OCIAD1: variants seen among roughly 807,000 people sequenced by gnomAD.
OCIAD1 encodes OCIA domain containing 1.
In OCIAD1, 29 loss-of-function variants were observed where a neutral mutation model predicts 38.9. The observed-to-expected ratio is 0.74, with a 90% CI of 0.55 to 1.02. OCIAD1 has a LOEUF of 1.02. OCIAD1 is among the 50% of genes least tolerant of loss of function. The probability of loss-of-function intolerance (pLI) is 0.00; values close to 1 mark genes in which losing one functional copy is unlikely to be tolerated. For missense variants in OCIAD1, 288 were observed against 289.6 expected, an observed-to-expected ratio of 0.99 and a Z score of 0.04; for synonymous variants, 110 against 92.0, an observed-to-expected ratio of 1.20 and a Z score of -1.12.
chr4:48,836,498 A>G (rs1277619196), intron 3 of OCIAD1, among the ~76,000 whole-genome samples: 1 of 152,238 alleles, frequency 6.6e-6, no homozygotes, highest in Non-Finnish European at 1.5e-5. Flanking sequence ...GATAGAAACA[A>G]AAGCATACAT....
chr4:48,857,369 T>A lies in OCIAD1; in HGVS notation c.700+4T>A. 6.5e-7 allele frequency: 1 copy of A among 1,534,100 alleles called. No individual in the cohort carries two copies. Among genetic ancestry groups the A allele is most frequent in the Non-Finnish European group, 8.7e-7 (1 of 1,144,318 alleles). ...GAAAGAGTGCCAAAAAAAGAAGGTATGATAGTTTAGTCTGAATCACTTTAC... is the reference window on the plus strand; with the variant it reads ...GAAAGAGTGCCAAAAAAAGAAGGTAAGATAGTTTAGTCTGAATCACTTTAC... On this transcript the variant is annotated splice_donor_region_variant and intron_variant, in intron 8 of 8. Coordinates refer to ENST00000264312, the MANE Select transcript of OCIAD1 (RefSeq NM_017830.4).
chr4:48,852,875 G>GC lies in OCIAD1; in HGVS notation c.547+900_547+901insC, dbSNP rs1560438042. 4.8e-4 allele frequency among the ~76,000 whole-genome samples: 33 copies of GC among 69,140 alleles called. 1 individual carries two copies. The South Asian group carries it at 9.2e-3, about 19-fold the overall frequency. The allele number at this position is 69,140 out of a possible 152,430, so 45.4% of individuals were successfully genotyped here. A position where few individuals can be genotyped will look rare whatever the true frequency, so the allele number is the denominator to read the frequency against. ...AAAGGTTTAAGCCAAGTTTTTTTTT[G>GC]TTTTTTGTTTTTTTTTTTTTTTTTG... On this transcript the variant is annotated intron_variant, in intron 7 of 8. Coordinates refer to ENST00000264312, the MANE Select transcript of OCIAD1 (RefSeq NM_017830.4).
intron 4 of OCIAD1, among the ~76,000 whole-genome samples, chr4:48,845,580 C>T (rs1778909770): frequency 6.6e-6 from 1 of 152,146 alleles, no homozygotes; most frequent in Non-Finnish European, 1.5e-5. Flanking sequence ...TTGGTGCTTA[C>T]ATTCTTGTAT....
intron 7 of OCIAD1, among the ~76,000 whole-genome samples, chr4:48,855,315 G>A (rs1050457234): frequency 3.2e-4 from 48 of 152,106 alleles, no homozygotes; most frequent in Admixed American, 2.0e-4. Context: ...ATGGTGAAGG[G>A]AAATGAGTTC....
intron 3 of OCIAD1, among the ~76,000 whole-genome samples, chr4:48,839,967 C>CA (rs1778376388): frequency 6.6e-6 from 1 of 152,172 alleles, no homozygotes; most frequent in South Asian, 2.1e-4. Context: ...TTGCTTTGAG[C>CA]AAATGACTTG....
chr4:48,826,583 G>A (rs1777253596), upstream of OCIAD1, among the ~76,000 whole-genome samples: 1 of 151,754 alleles, frequency 6.6e-6, no homozygotes, highest in African/African-American at 2.4e-5. Flanking sequence ...AAAAGCCTAT[G>A]GAATTAAAAA....
At chr4:48,854,585 A>G (rs1198741605) in intron 7 of OCIAD1, among the ~76,000 whole-genome samples, 1 of 152,202 alleles carries the variant, frequency 6.6e-6, no homozygotes, top group African/African-American at 2.4e-5. Flanking sequence ...ACAAAAGCCA[A>G]CAAACAAAAA....
chr4:48,842,728 T>C, intron 4 of OCIAD1, 39 bp downstream of exon 4: 1 of 1,126,048 alleles, frequency 8.9e-7, no homozygotes, highest in Non-Finnish European at 1.3e-6. Context: ...GCATTTTGGA[T>C]ACCATGTTTG....
At chr4:48,831,542 G>A in intron 1 of OCIAD1, 1 of 1,290,802 alleles carries the variant, frequency 7.7e-7, no homozygotes, top group Non-Finnish European at 1.0e-6. Flanking sequence ...GTAATCAGCG[G>A]TTGTAGGCCG....
At position 48,832,688 on chromosome 4, in the gene OCIAD1, T is replaced by G; in HGVS notation, c.58+6T>G. On this transcript the variant is annotated splice_donor_region_variant and intron_variant, in intron 2 of 8. Transcript: ENST00000264312. Reference sequence around the variant, plus strand: ...GGTTCCAAGACCAATTCCCCGTAACTATCTATTAAGTATTTATAATTAGAA... The same window carrying G: ...GGTTCCAAGACCAATTCCCCGTAACGATCTATTAAGTATTTATAATTAGAA... The G allele has an allele frequency of 6.2e-7, 1 of 1,602,030 alleles. No individual in the cohort carries two copies. The highest frequency in any genetic ancestry group is 8.6e-7 in the Non-Finnish European group (1 of 1,169,030).
At chr4:48,827,434 C>T (rs1180381350), upstream of OCIAD1, among the ~76,000 whole-genome samples, 2 of 152,156 alleles carry the variant, frequency 1.3e-5, no homozygotes, top group East Asian at 1.9e-4. Flanking sequence ...TCTCACCATT[C>T]CAGATTAGAA....
In OCIAD1 at chr4:48,831,139, G is replaced by A. The variant is rs1777443060; in HGVS notation, c.-116G>A. 3.6e-6 allele frequency: 1 copy of A among 276,364 alleles called. No homozygotes were observed. Among genetic ancestry groups the A allele is most frequent in the Non-Finnish European group, 7.2e-6 (1 of 138,068 alleles). 17.1% of individuals were successfully genotyped at this position (276,364 alleles called of 1,614,324 possible). A position where few individuals can be genotyped will look rare whatever the true frequency, so the allele number is the denominator to read the frequency against. Reference sequence around the variant, plus strand: ...GGCTGTTCTACCCCTCCCCCTCCCCGCGGTACCTTGCACTTTTCTCCCTCC... The same window carrying A: ...GGCTGTTCTACCCCTCCCCCTCCCCACGGTACCTTGCACTTTTCTCCCTCC... On this transcript the variant is annotated 5_prime_UTR_variant, in exon 1 of 9. Coordinates refer to ENST00000264312, the MANE Select transcript of OCIAD1 (RefSeq NM_017830.4).
At chr4:48,832,892 A>G (rs1394903602) in intron 2 of OCIAD1, 2 of 548,650 alleles carry the variant, frequency 3.6e-6, no homozygotes, top group Non-Finnish European at 3.3e-6. Flanking sequence ...GGCCCAGCAC[A>G]TTAGGTAGCC....
At chr4:48,821,005 A>G (rs1039958897) in intron 1 of OCIAD1, among the ~76,000 whole-genome samples, 3 of 152,212 alleles carry the variant, frequency 2.0e-5, no homozygotes, top group Non-Finnish European at 4.4e-5. Flanking sequence ...TTCTGAAACT[A>G]TTCCAAACAA....
At chr4:48,817,934 CCCTGGGATAGAGCA>C (rs1428327561) in intron 1 of OCIAD1, among the ~76,000 whole-genome samples, 1 of 152,208 alleles carries the variant, frequency 6.6e-6, no homozygotes, top group Non-Finnish European at 1.5e-5. Flanking sequence ...ACCCCCATCT[CCCTGGGATAGAGCA>C]CCTGGGGGAA....
At chr4:48,840,817 C>T (rs1778446232) in intron 3 of OCIAD1, among the ~76,000 whole-genome samples, 3 of 138,156 alleles carry the variant, frequency 2.2e-5, no homozygotes, top group Admixed American at 1.6e-4. Flanking sequence ...GGCAACTTGG[C>T]GAAACCTCAT....
At chr4:48,850,226 A>G (rs528504248) in intron 6 of OCIAD1, 144 bp downstream of exon 6, 1 of 773,894 alleles carries the variant, frequency 1.3e-6, no homozygotes, top group Non-Finnish European at 2.1e-6. Flanking sequence ...TTTGCTTCAA[A>G]AATTGGAGCA....
chr4:48,808,796 A>G (rs942589122), intron 1 of OCIAD1, among the ~76,000 whole-genome samples: 7 of 152,166 alleles, frequency 4.6e-5, no homozygotes, highest in African/African-American at 1.7e-4. Flanking sequence ...AACTAAGACA[A>G]TTGTAAACTC....
chr4:48,827,776 C>T (rs1480019892), upstream of OCIAD1, among the ~76,000 whole-genome samples: 3 of 152,230 alleles, frequency 2.0e-5, no homozygotes, highest in Non-Finnish European at 4.4e-5. Context: ...AGGCACGTGG[C>T]GTGGGACTGG....
Sources: gnomAD v4.1 joint callset for allele counts (sites outside exome capture counted in the v4.1 genomes callset) on GRCh38, gnomAD v4.1.1 for gene constraint, MANE v1.5 for transcripts, NCBI Gene and HGNC (gene_info 2026-07-23, HGNC 2026-07-21) for gene names.